Variants in ZNF521 observed in about 807,000 individuals in gnomAD.
ZNF521 encodes the protein zinc finger protein 521, also known as LYST-interacting protein 3.
ZNF521 carries 14 observed loss-of-function variants against 105.5 expected under a neutral mutation model. The ratio of observed to expected loss-of-function variants is 0.13; its 90% CI spans 0.09 to 0.21. The LOEUF is 0.21. Ranked by LOEUF, ZNF521 falls within the 10% of genes least tolerant of loss-of-function variation. ZNF521 has a pLI of 1.00. For synonymous variants in ZNF521, 635 were observed against 606.0 expected (o/e 1.05, Z -0.70); for missense variants, 1,233 against 1,629.7 (o/e 0.76, Z 4.19).
At chr18:25,253,751 T>C (rs963113303) in intron 3 of ZNF521, among the ~76,000 whole-genome samples, 6 of 152,138 alleles carry the variant, frequency 3.9e-5, no homozygotes, top group African/African-American at 7.2e-5. Context: ...CAGCATGTAA[T>C]TTGCTCAGGT....
intron 3 of ZNF521, among the ~76,000 whole-genome samples, chr18:25,285,990 G>A (rs181718490): frequency 6.6e-6 from 1 of 152,336 alleles, no homozygotes; most frequent in African/African-American, 2.4e-5. Context: ...TCATATCAGG[G>A]TATTAGTGAT....
chr18:25,216,318 T>C (rs1292987425), intron 4 of ZNF521, among the ~76,000 whole-genome samples: 2 of 152,294 alleles, frequency 1.3e-5, no homozygotes, highest in South Asian at 2.1e-4. Context: ...CTTTGGATTG[T>C]TACAAACTTC....
At chr18:25,197,307 C>T (rs553229499) in intron 4 of ZNF521, among the ~76,000 whole-genome samples, 62 of 151,790 alleles carry the variant, frequency 4.1e-4, no homozygotes, top group Middle Eastern at 6.8e-3. Flanking sequence ...AACAATGAAC[C>T]GTGATTTTAA....
At chr18:25,129,134 G>A (rs72887758) in intron 5 of ZNF521, among the ~76,000 whole-genome samples, 24,171 of 151,392 alleles carry the variant, frequency 0.16, 2,107 homozygotes, top group Middle Eastern at 0.26. Context: ...AGAGAGCCCC[G>A]AATTGATTCA....
intron 3 of ZNF521, among the ~76,000 whole-genome samples, chr18:25,260,294 T>G (rs1164466994): frequency 6.6e-6 from 1 of 152,104 alleles, no homozygotes; most frequent in East Asian, 1.9e-4. Flanking sequence ...TGCCTACCTC[T>G]CCTAAGGTTG....
intron 7 of ZNF521, among the ~76,000 whole-genome samples, chr18:25,065,956 G>T (rs1039029516): frequency 1.3e-5 from 2 of 152,194 alleles, no homozygotes; most frequent in African/African-American, 2.4e-5. Flanking sequence ...GTTATGTTTT[G>T]CATATAAGAG....
chr18:25,216,474 C>T (rs926748141), intron 4 of ZNF521, among the ~76,000 whole-genome samples: 3 of 152,188 alleles, frequency 2.0e-5, no homozygotes, highest in Non-Finnish European at 2.9e-5. Flanking sequence ...GAAGGACTTA[C>T]ACTGTATTCA....
At position 25,285,737 on chromosome 18, in the gene ZNF521, C is replaced by T. The variant is rs534477814; in HGVS notation, c.220+36271G>A. ...ACACACACACACACACACACGTACG[C>T]GCCTGCGCGCGCACATGCACGCATG... is the stretch of plus-strand genomic sequence containing the variant. On this transcript the variant is annotated intron_variant, in intron 3 of 7. Transcript: ENST00000361524. Among the ~76,000 whole-genome samples, 22 of 151,230 alleles carry T rather than the reference C, an allele frequency of 1.5e-4. No homozygotes were observed. In the South Asian group the frequency reaches 4.6e-3, roughly 32 times the overall value.
intron 2 of ZNF521, among the ~76,000 whole-genome samples, chr18:25,335,839 C>G (rs1420430113): frequency 6.6e-6 from 1 of 152,096 alleles, no homozygotes; most frequent in Non-Finnish European, 1.5e-5. Flanking sequence ...CAAGTGAATG[C>G]CAAGGTCAAC....
At chr18:25,314,949 A>C (rs894182892) in intron 3 of ZNF521, among the ~76,000 whole-genome samples, 1 of 152,200 alleles carries the variant, frequency 6.6e-6, no homozygotes, top group African/African-American at 2.4e-5. Context: ...TTTTGTAAGC[A>C]TAACAAAGTC....
chr18:25,077,949 A>C (rs1371444583), intron 7 of ZNF521, among the ~76,000 whole-genome samples: 2 of 152,210 alleles, frequency 1.3e-5, no homozygotes, highest in Non-Finnish European at 2.9e-5. Context: ...AGAAAAAAAA[A>C]ACATTTACTC....
chr18:25,151,053 G>A (rs531384757), intron 5 of ZNF521, among the ~76,000 whole-genome samples: 135 of 151,932 alleles, frequency 8.9e-4, no homozygotes, highest in African/African-American at 3.1e-3. Context: ...GCCTCCCAAA[G>A]TGCTGGGATC....
intron 3 of ZNF521, among the ~76,000 whole-genome samples, chr18:25,244,499 T>C (rs1367624904): frequency 6.6e-6 from 1 of 152,130 alleles, no homozygotes; most frequent in Non-Finnish European, 1.5e-5. Flanking sequence ...CCAGAAAAGG[T>C]GCTATTCCCA....
chr18:25,213,898 C>A (rs902027352), intron 4 of ZNF521, among the ~76,000 whole-genome samples: 17 of 152,048 alleles, frequency 1.1e-4, no homozygotes, highest in African/African-American at 4.1e-4. Context: ...AAATTCTCTA[C>A]CATTAGCATA....
At chr18:25,173,245 C>T (rs529982091) in intron 5 of ZNF521, among the ~76,000 whole-genome samples, 11 of 152,252 alleles carry the variant, frequency 7.2e-5, no homozygotes, top group Non-Finnish European at 1.2e-4. Flanking sequence ...GCTGATGGAA[C>T]GCAGAGGTTA....
chr18:25,092,376 C>T (rs563776164), intron 5 of ZNF521, among the ~76,000 whole-genome samples: 1 of 152,232 alleles, frequency 6.6e-6, no homozygotes, highest in Non-Finnish European at 1.5e-5. Flanking sequence ...TTCCTTTTCT[C>T]TCATTACCAT....
At chr18:25,287,197 G>A (rs867938361) in intron 3 of ZNF521, among the ~76,000 whole-genome samples, 2 of 152,138 alleles carry the variant, frequency 1.3e-5, no homozygotes, top group African/African-American at 2.4e-5. Flanking sequence ...GGGCCTGGTC[G>A]GCTTCTCTTC....
intron 2 of ZNF521, among the ~76,000 whole-genome samples, chr18:25,339,919 C>A (rs1233145488): frequency 2.0e-5 from 3 of 152,256 alleles, no homozygotes; most frequent in East Asian, 3.9e-4. Context: ...CAATCTAAGC[C>A]TAGAAGAGAT....
chr18:25,188,656 G>C (rs2035768106), intron 5 of ZNF521, among the ~76,000 whole-genome samples: 1 of 152,148 alleles, frequency 6.6e-6, no homozygotes, highest in African/African-American at 2.4e-5. Context: ...CATTCTACCG[G>C]AAGTCAAAGG....
Sources: allele counts gnomAD v4.1 joint callset (sites outside exome capture counted in the v4.1 genomes callset), GRCh38; gene constraint gnomAD v4.1.1; transcripts MANE v1.5; gene names NCBI Gene and HGNC (gene_info 2026-07-23, HGNC 2026-07-21).